The following FBXW8 variants were observed in gnomAD, a reference collection of about 807,000 sequenced individuals.
FBXW8 encodes the protein F-box/WD repeat-containing protein 8.
In FBXW8, 57 loss-of-function variants were observed where a neutral mutation model predicts 65.3. The ratio of observed to expected loss-of-function variants is 0.87; its 90% confidence interval spans 0.71 to 1.09. The LOEUF (loss-of-function observed/expected upper bound fraction) is 1.09. Among genes scored for constraint, FBXW8 ranks in the 50% least tolerant of loss-of-function variants. FBXW8 has a pLI of 0.00. For missense variants in FBXW8, 777 were observed against 814.8 expected, an observed-to-expected ratio of 0.95 and a Z score of 0.57; for synonymous variants, 308 against 330.2, an observed-to-expected ratio of 0.93 and a Z score of 0.73.
chr12:116,951,611 C>G (rs1271228576), intron 4 of FBXW8, among the ~76,000 whole-genome samples: 1 of 152,156 alleles, frequency 6.6e-6, no homozygotes, highest in South Asian at 2.1e-4. Context: ...AACTATGAAG[C>G]ATTTTTGCAT....
At chr12:116,986,107 C>T (rs1281843986) in intron 6 of FBXW8, 1 of 152,218 alleles carries the variant, frequency 6.6e-6, no homozygotes, top group Non-Finnish European at 1.5e-5. Flanking sequence ...GATTTTGGCA[C>T]TGGTAGGAGA....
intron 7 of FBXW8, among the ~76,000 whole-genome samples, chr12:116,997,619 G>A (rs1286696154): frequency 6.6e-6 from 1 of 152,180 alleles, no homozygotes; most frequent in African/African-American, 2.4e-5. Context: ...AAGCCTGGGA[G>A]AGAGCAGTCC....
intron 8 of FBXW8, among the ~76,000 whole-genome samples, chr12:117,022,925 T>C (rs1215615613): frequency 6.6e-6 from 1 of 152,236 alleles, no homozygotes; most frequent in Admixed American, 6.5e-5. Flanking sequence ...AGGTTTGTCC[T>C]GTGTGCCTCC....
At chr12:117,000,442 T>A (rs1953487776) in intron 7 of FBXW8, among the ~76,000 whole-genome samples, 1 of 152,214 alleles carries the variant, frequency 6.6e-6, no homozygotes, top group Non-Finnish European at 1.5e-5. Context: ...ACAGGGGTTC[T>A]CACATGCCAG....
intron 2 of FBXW8, among the ~76,000 whole-genome samples, chr12:116,934,425 A>G (rs1331724591): frequency 6.6e-6 from 1 of 151,668 alleles, no homozygotes; most frequent in East Asian, 2.0e-4. Flanking sequence ...GCTATTTATA[A>G]TTTTATGTTC....
chr12:116,955,041 G>T (rs11068261), intron 4 of FBXW8, among the ~76,000 whole-genome samples: 1,995 of 151,320 alleles, frequency 0.013, 49 homozygotes, highest in African/African-American at 0.046. Context: ...TGAAATGGGG[G>T]GGGGGGGCCC....
At chr12:116,972,424 G>C (rs756595239) in intron 5 of FBXW8, among the ~76,000 whole-genome samples, 6 of 152,220 alleles carry the variant, frequency 3.9e-5, no homozygotes, top group Non-Finnish European at 8.8e-5. Context: ...CCTAGGGCTT[G>C]ATCAAACTAG....
In FBXW8 at chr12:116,984,309, A is replaced by G. The variant is rs375421298; in HGVS notation, c.836-897A>G. On this transcript the variant is annotated intron_variant, in intron 5 of 10. Transcript: ENST00000652555. ...CAGTCTGCATTTCTAATAAGTCGCC[A>G]CGTGGTACTGATGCTACCGGTCTGG... Among the ~76,000 whole-genome samples the G allele has an allele frequency of 8.5e-5, 13 of 152,280 alleles. No homozygotes were observed. The East Asian group carries it at 2.3e-3, about 27-fold the overall frequency.
chr12:116,937,094 A>T (rs1593058507), intron 2 of FBXW8, among the ~76,000 whole-genome samples: 1 of 152,072 alleles, frequency 6.6e-6, no homozygotes, highest in Non-Finnish European at 1.5e-5. Flanking sequence ...GATGGGCTGG[A>T]TGTGGGGACA....
intron 7 of FBXW8, among the ~76,000 whole-genome samples, chr12:117,001,769 T>C (rs1037265131): frequency 2.0e-5 from 3 of 152,228 alleles, no homozygotes; most frequent in African/African-American, 7.2e-5. Context: ...ATTTGCACGA[T>C]GGTTATCATC....
rs187977835 is a variant in FBXW8 at position 116,967,593 on chromosome 12, G to A, written c.835+2739G>A. ...TTTGTTTGCCTTTCTTTAATTACAT[G>A]TGGACATCTTTTCTTTGTGTGTTGT... On this transcript the variant is annotated intron_variant, in intron 5 of 10. Coordinates refer to ENST00000652555, the MANE Select transcript of FBXW8 (RefSeq NM_153348.3). 3.0e-4 allele frequency among the ~76,000 whole-genome samples: 45 copies of A among 152,304 alleles called. 2 individuals carry two copies. In the East Asian group the frequency reaches 7.9e-3, roughly 27 times the overall value.
intron 4 of FBXW8, 158 bp downstream of exon 4, chr12:116,949,864 C>T: frequency 1.4e-6 from 1 of 703,920 alleles, no homozygotes; most frequent in Non-Finnish European, 2.5e-6. Context: ...TGATTCTGTT[C>T]CCAAGGACGT....
At chr12:116,927,809 G>C (rs1456700999) in intron 1 of FBXW8, among the ~76,000 whole-genome samples, 1 of 152,140 alleles carries the variant, frequency 6.6e-6, no homozygotes, top group East Asian at 1.9e-4. Context: ...AGGAGTGAAG[G>C]CGTGTGGGGG....
At position 117,028,021 on chromosome 12, in the gene FBXW8, T is replaced by C. The variant is rs745698770; in HGVS notation, c.1653-7T>C. 2 of 1,613,990 alleles carry C rather than the reference T, an allele frequency of 1.2e-6. No individual in the cohort carries two copies. The highest frequency in any genetic ancestry group is 2.2e-5 in the South Asian group (2 of 91,082). On this transcript the variant is annotated splice_polypyrimidine_tract_variant and splice_region_variant and intron_variant, in intron 10 of 10. Coordinates refer to ENST00000652555, the MANE Select transcript of FBXW8 (RefSeq NM_153348.3). This position sits in a 1 kb window ranked among gnomAD's most constrained non-coding sequence, Gnocchi z 4.1. ...CTGACCTGTCACCATCTTTGTGCTC[T>C]TTCTAGACACCGGGGGCTGATCCGC...
At chr12:117,024,868 C>T (rs570160666) in intron 9 of FBXW8, among the ~76,000 whole-genome samples, 1 of 152,328 alleles carries the variant, frequency 6.6e-6, no homozygotes, top group East Asian at 1.9e-4. Flanking sequence ...GTTCAGGCTC[C>T]AACGAAGGAG....
intron 7 of FBXW8, among the ~76,000 whole-genome samples, chr12:116,996,894 T>C (rs1953391317): frequency 6.6e-6 from 1 of 152,126 alleles, no homozygotes; most frequent in Non-Finnish European, 1.5e-5. Context: ...ATTACAGCCT[T>C]GTGGTCCTTA....
At chr12:116,940,662 C>T (rs910257439) in intron 2 of FBXW8, among the ~76,000 whole-genome samples, 4 of 152,046 alleles carry the variant, frequency 2.6e-5, no homozygotes, top group African/African-American at 9.7e-5. Flanking sequence ...GGCGAGTTCA[C>T]AGGTGTTTGT....
chr12:116,972,651 A>G (rs1472618942), intron 5 of FBXW8, among the ~76,000 whole-genome samples: 1 of 152,166 alleles, frequency 6.6e-6, no homozygotes. Flanking sequence ...GTTGAGGCTC[A>G]TGGGAGCCAG....
chr12:116,950,028 A>G, intron 4 of FBXW8: 2 of 286,014 alleles, frequency 7.0e-6, no homozygotes, highest in East Asian at 7.2e-5. Flanking sequence ...GAAGACATAA[A>G]AAAGTCAAGC....
Sources: gnomAD v4.1 joint callset for allele counts (sites outside exome capture counted in the v4.1 genomes callset) on GRCh38, gnomAD v4.1.1 for gene constraint, Gnocchi (gnomAD v3.1) non-coding constraint, MANE v1.5 for transcripts, NCBI Gene and HGNC (gene_info 2026-07-23, HGNC 2026-07-21) for gene names.